The following KCNH7 variants were observed in gnomAD, a reference collection of about 807,000 sequenced individuals.
The protein encoded by KCNH7 is potassium voltage-gated channel subfamily H member 7, also known as voltage-gated inwardly rectifying potassium channel KCNH7.
KCNH7 carries 49 observed loss-of-function variants against 120.8 expected under a neutral mutation model. That is an observed-to-expected ratio of 0.41 (90% confidence interval 0.32 to 0.51). The LOEUF (loss-of-function observed/expected upper bound fraction) is 0.51. Ranked by LOEUF, KCNH7 falls within the 20% of genes least tolerant of loss-of-function variation. KCNH7 has a pLI of 0.38. For synonymous variants in KCNH7, 547 were observed against 516.1 expected (o/e 1.06, Z -0.81); for missense variants, 1,097 against 1,446.6 (o/e 0.76, Z 3.92).
chr2:162,630,924 G>A (rs1683744306), intron 2 of KCNH7, among the ~76,000 whole-genome samples: 1 of 152,056 alleles, frequency 6.6e-6, no homozygotes, highest in Admixed American at 6.6e-5. Flanking sequence ...TCAGGTTCCA[G>A]GTAGCTGGGA....
chr2:162,377,848 A>T (rs1686264426), intron 14 of KCNH7, among the ~76,000 whole-genome samples: 1 of 152,216 alleles, frequency 6.6e-6, no homozygotes, highest in African/African-American at 2.4e-5. Context: ...CATTTTGTGG[A>T]AAAGTTTTAT....
intron 5 of KCNH7, among the ~76,000 whole-genome samples, chr2:162,508,992 C>A (rs916544960): frequency 4.6e-5 from 7 of 151,346 alleles, no homozygotes; most frequent in African/African-American, 1.5e-4. Flanking sequence ...AGATGGATGA[C>A]CAGGTTACAT....
chr2:162,442,337 TC>T (rs2105543955), intron 7 of KCNH7, among the ~76,000 whole-genome samples: 1 of 152,104 alleles, frequency 6.6e-6, no homozygotes, highest in Admixed American at 6.5e-5. Flanking sequence ...TGACATGTCT[TC>T]TTTAGTAAAA....
chr2:162,763,491 G>A (rs1287335484), intron 2 of KCNH7, among the ~76,000 whole-genome samples: 1 of 152,060 alleles, frequency 6.6e-6, no homozygotes, highest in Non-Finnish European at 1.5e-5. Context: ...TCTAGTTTCT[G>A]TCACCATGCT....
chr2:162,787,589 C>G (rs76429961), intron 2 of KCNH7, among the ~76,000 whole-genome samples: 5,333 of 152,292 alleles, frequency 0.035, 312 homozygotes, highest in African/African-American at 0.12. Context: ...CCAGCACTAC[C>G]GCAGTAGACT....
chr2:162,821,743 T>C (rs1393939346), intron 2 of KCNH7, among the ~76,000 whole-genome samples: 5 of 152,196 alleles, frequency 3.3e-5, no homozygotes, highest in African/African-American at 1.2e-4. Flanking sequence ...TATTTGGACA[T>C]TTACATCTAC....
intron 2 of KCNH7, among the ~76,000 whole-genome samples, chr2:162,593,409 C>T (rs961695278): frequency 6.6e-6 from 1 of 151,998 alleles, no homozygotes; most frequent in African/African-American, 2.4e-5. Flanking sequence ...CTTCCAAATG[C>T]TCACAATAAG....
chr2:162,739,606 T>C (rs539252944), intron 2 of KCNH7, among the ~76,000 whole-genome samples: 2 of 152,166 alleles, frequency 1.3e-5, no homozygotes, highest in Non-Finnish European at 2.9e-5. Flanking sequence ...AGGATTTTTC[T>C]GTCTCCCTTA....
intron 12 of KCNH7, among the ~76,000 whole-genome samples, chr2:162,389,246 G>A (rs560858747): frequency 5.0e-4 from 76 of 152,050 alleles, no homozygotes; most frequent in African/African-American, 1.7e-3. Flanking sequence ...TCGGAGCTCT[G>A]AGAATTGTTT....
chr2:162,493,255 T>G (rs1690383839), intron 6 of KCNH7, among the ~76,000 whole-genome samples: 1 of 152,104 alleles, frequency 6.6e-6, no homozygotes, highest in Non-Finnish European at 1.5e-5. Flanking sequence ...GATCTTCTTC[T>G]GTCTGTGTAA....
intron 2 of KCNH7, among the ~76,000 whole-genome samples, chr2:162,601,420 T>TTTTTTTTTTTTTA (rs1694551582): frequency 7.0e-6 from 1 of 143,622 alleles, no homozygotes; most frequent in African/African-American, 2.6e-5. Flanking sequence ...TTTTTTTTTT[T>TTTTTTTTTTTTTA]TTTTTTGCTT....
Position 162,506,151 on chromosome 2 carries a change from A to G in KCNH7, c.914-1494T>C, listed in dbSNP as rs867333874. Among the ~76,000 whole-genome samples the G allele has an allele frequency of 5.9e-5, 9 of 151,970 alleles. No homozygotes were observed. The South Asian group carries it at 1.7e-3, about 28-fold the overall frequency. ...ATGACCAAGTCCATCTAGAAGAAAA[A>G]TGTCACGAGCTCTCCAGGAATTTAT... is the stretch of plus-strand genomic sequence containing the variant. On this transcript the variant is annotated intron_variant, in intron 5 of 15. Coordinates refer to ENST00000332142, the MANE Select transcript of KCNH7 (RefSeq NM_033272.4).
chr2:162,650,233 C>T (rs1367843830), intron 2 of KCNH7, among the ~76,000 whole-genome samples: 1 of 152,026 alleles, frequency 6.6e-6, no homozygotes, highest in African/African-American at 2.4e-5. Context: ...CCACACTTCT[C>T]CATGGTCAAA....
chr2:162,834,958 GCAT>G (rs1685605631), intron 2 of KCNH7, among the ~76,000 whole-genome samples: 1 of 151,996 alleles, frequency 6.6e-6, no homozygotes, highest in Non-Finnish European at 1.5e-5. Context: ...GACTGTGTTG[GCAT>G]CATAATAAAT....
At chr2:162,744,033 A>T (rs917872907) in intron 2 of KCNH7, among the ~76,000 whole-genome samples, 2 of 152,148 alleles carry the variant, frequency 1.3e-5, no homozygotes, top group Non-Finnish European at 2.9e-5. Context: ...TTCAAATCCC[A>T]CATAATGCAC....
At chr2:162,524,890 A>G (rs774921757) in intron 3 of KCNH7, among the ~76,000 whole-genome samples, 10 of 151,902 alleles carry the variant, frequency 6.6e-5, no homozygotes, top group Admixed American at 1.3e-4. Context: ...TGGTAGAACA[A>G]CTCAGAATAT....
At chr2:162,566,923 C>T (rs1693276237) in intron 2 of KCNH7, among the ~76,000 whole-genome samples, 1 of 151,914 alleles carries the variant, frequency 6.6e-6, no homozygotes, top group South Asian at 2.1e-4. Flanking sequence ...ATTTGATCAG[C>T]TGGGTGGGAT....
intron 2 of KCNH7, among the ~76,000 whole-genome samples, chr2:162,591,491 C>G (rs1312127571): frequency 1.3e-5 from 2 of 151,966 alleles, no homozygotes; most frequent in Non-Finnish European, 2.9e-5. Flanking sequence ...GTGGAGGACA[C>G]AAACACACAC....
chr2:162,703,453 A>T (rs1686584896), intron 2 of KCNH7, among the ~76,000 whole-genome samples: 1 of 152,170 alleles, frequency 6.6e-6, no homozygotes, highest in Non-Finnish European at 1.5e-5. Context: ...AGGATTTAAG[A>T]ATGTATACTT....
Sources: gnomAD v4.1 joint callset for allele counts (sites outside exome capture counted in the v4.1 genomes callset) on GRCh38, gnomAD v4.1.1 for gene constraint, MANE v1.5 for transcripts, NCBI Gene and HGNC (gene_info 2026-07-23, HGNC 2026-07-21) for gene names.